Variants in CDH7 observed in about 807,000 individuals in gnomAD.
The protein encoded by CDH7 is cadherin-7.
CDH7 carries 25 observed loss-of-function variants against 71.8 expected under a neutral mutation model. That is an observed-to-expected ratio of 0.35 (90% CI 0.25 to 0.49). The LOEUF (loss-of-function observed/expected upper bound fraction) is 0.49, where lower values mean the gene tolerates loss of function less well. Among genes scored for constraint, CDH7 ranks in the 20% least tolerant of loss-of-function variants. The pLI, the probability that CDH7 is intolerant of heterozygous loss-of-function variation, is 0.99. For missense variants in CDH7, 862 were observed against 974.6 expected (o/e 0.88, Z 1.54); for synonymous variants, 381 against 363.8 (o/e 1.05, Z -0.54).
At chr18:65,785,132 A>G (rs535726968) in intron 2 of CDH7, among the ~76,000 whole-genome samples, 5 of 152,274 alleles carry the variant, frequency 3.3e-5, no homozygotes, top group African/African-American at 1.2e-4. Flanking sequence ...TTTAAATTAC[A>G]ATTTGGCTGA....
At chr18:65,769,283 G>A (rs569303686) in intron 2 of CDH7, among the ~76,000 whole-genome samples, 39 of 152,220 alleles carry the variant, frequency 2.6e-4, no homozygotes, top group African/African-American at 9.1e-4. Flanking sequence ...ACTGAGAGAA[G>A]CTTTATATAG....
chr18:65,839,238 A>T (rs1263176838), intron 6 of CDH7, among the ~76,000 whole-genome samples: 1 of 152,214 alleles, frequency 6.6e-6, no homozygotes, highest in Admixed American at 6.6e-5. Flanking sequence ...ACAGAAATAT[A>T]TGCTGGATGT....
chr18:65,793,272 A>C (rs1402904586), intron 2 of CDH7, among the ~76,000 whole-genome samples: 3 of 151,972 alleles, frequency 2.0e-5, no homozygotes, highest in Admixed American at 6.6e-5. Flanking sequence ...GTCTCTACAA[A>C]AAATATAAAA....
At chr18:65,760,005 A>G (rs1055220299) in intron 1 of CDH7, among the ~76,000 whole-genome samples, 11 of 152,204 alleles carry the variant, frequency 7.2e-5, no homozygotes, top group Non-Finnish European at 1.6e-4. Flanking sequence ...GGAACCAACT[A>G]CAACTATCAA....
Position 65,885,354 on chromosome 18 carries a change from A to G in CDH7, c.*4460A>G, listed in dbSNP as rs1914340603. On this transcript the variant is annotated 3_prime_UTR_variant, in exon 12 of 12. Coordinates refer to ENST00000397968, the MANE Select transcript of CDH7 (RefSeq NM_004361.5). ...CTTCTACTGGCTTAGAATGTAACTG[A>G]AAAGGATGTGTGCCTGTGTTTTTTT... 1 of 127,866 alleles carries G rather than the reference A, an allele frequency of 7.8e-6. No individual in the cohort carries two copies. Among genetic ancestry groups the G allele is most frequent in the African/African-American group, 2.7e-5 (1 of 37,466 alleles). The allele number at this position is 127,866 out of a possible 1,614,324, so 7.9% of individuals were successfully genotyped here. A position where few individuals can be genotyped will look rare whatever the true frequency, so the allele number is the denominator to read the frequency against.
At chr18:65,832,747 ATTCT>A (rs1473856269) in intron 6 of CDH7, among the ~76,000 whole-genome samples, 12 of 152,132 alleles carry the variant, frequency 7.9e-5, no homozygotes, top group African/African-American at 2.9e-4. Flanking sequence ...TTCACCTAGA[ATTCT>A]TTCTTTTTAC....
intron 6 of CDH7, among the ~76,000 whole-genome samples, chr18:65,827,547 A>G (rs781589717): frequency 6.6e-6 from 1 of 152,064 alleles, no homozygotes; most frequent in East Asian, 1.9e-4. Flanking sequence ...ATGATTTTCC[A>G]TATCATTTTG....
chr18:65,858,167 A>G (rs941083507), intron 8 of CDH7, among the ~76,000 whole-genome samples: 3 of 152,134 alleles, frequency 2.0e-5, no homozygotes, highest in Non-Finnish European at 2.9e-5. Flanking sequence ...GGACTAAAAA[A>G]CAATGGGCCT....
In CDH7 at chr18:65,880,991, A is replaced by G; in HGVS notation, c.*97A>G. ...AATAAACCACTACATACAGAAAACA[A>G]GAACTCCCCTTGCTGGAGACAGATG... On this transcript the variant is annotated 3_prime_UTR_variant, in exon 12 of 12. Coordinates refer to ENST00000397968, the MANE Select transcript of CDH7 (RefSeq NM_004361.5). 1 of 1,180,128 alleles carries G rather than the reference A, an allele frequency of 8.5e-7. No individual in the cohort carries two copies. 73.1% of individuals were successfully genotyped at this position (1,180,128 alleles called of 1,614,324 possible).
chr18:65,840,362 T>A (rs531267838), intron 6 of CDH7, among the ~76,000 whole-genome samples: 15 of 152,130 alleles, frequency 9.9e-5, no homozygotes, highest in African/African-American at 3.6e-4. Flanking sequence ...AGCCACAGAG[T>A]CATTCTGGGA....
At chr18:65,805,530 C>A (rs1228211699) in intron 2 of CDH7, among the ~76,000 whole-genome samples, 1 of 152,186 alleles carries the variant, frequency 6.6e-6, no homozygotes, top group Non-Finnish European at 1.5e-5. Context: ...GAAGGAGGAT[C>A]AAGAGTCAGC....
rs1372142873 is a variant in CDH7, at chr18:65,866,338, A to AAC, written c.1864+3422_1864+3423insCA. 1.1e-4 allele frequency: 15 copies of AAC among 142,558 alleles called. 4 individuals are homozygous for AAC. The highest frequency in any genetic ancestry group is 9.6e-4 in the South Asian group (4 of 4,184). 8.8% of individuals were successfully genotyped at this position (142,558 alleles called of 1,614,324 possible). A position where few individuals can be genotyped will look rare whatever the true frequency, so the allele number is the denominator to read the frequency against. ...AACAAAAAAAAAAAAAAACAAAAAAAAAAAAAAAAAGAATGAAACTATAGA... is the reference window on the plus strand; with the variant it reads ...AACAAAAAAAAAAAAAAACAAAAAAAACAAAAAAAAAAGAATGAAACTATAGA... On this transcript the variant is annotated intron_variant, in intron 11 of 11. Transcript: ENST00000397968.
intron 11 of CDH7, among the ~76,000 whole-genome samples, chr18:65,876,983 T>C (rs925896157): frequency 6.6e-6 from 1 of 152,160 alleles, no homozygotes; most frequent in Non-Finnish European, 1.5e-5. Flanking sequence ...AAAAGAGAAA[T>C]GATAAAACCT....
intron 7 of CDH7, among the ~76,000 whole-genome samples, chr18:65,850,565 A>G (rs989542001): frequency 2.0e-5 from 3 of 150,518 alleles, no homozygotes; most frequent in Non-Finnish European, 4.4e-5. Context: ...TAAGATTCAC[A>G]TTCCCTGCAG....
chr18:65,800,969 T>G (rs1233340909), intron 2 of CDH7, among the ~76,000 whole-genome samples: 2 of 152,176 alleles, frequency 1.3e-5, no homozygotes, highest in African/African-American at 4.8e-5. Flanking sequence ...TAAAAAGCAC[T>G]TCCCTGAACC....
Position 65,888,406 on chromosome 18 carries a change from C to G in CDH7, c.*7512C>G, listed in dbSNP as rs1052102584. On this transcript the variant is annotated 3_prime_UTR_variant, in exon 12 of 12. Transcript: ENST00000397968. ...ATAATTTCCGCAATTCTTGGTACCT[C>G]AAAAGACCTGACACACTACAATGAA... 1.3e-5 allele frequency: 2 copies of G among 152,076 alleles called. No homozygotes were observed. Among genetic ancestry groups the G allele is most frequent in the Non-Finnish European group, 2.9e-5 (2 of 68,026 alleles). 9.4% of individuals were successfully genotyped at this position (152,076 alleles called of 1,614,324 possible). A position where few individuals can be genotyped will look rare whatever the true frequency, so the allele number is the denominator to read the frequency against.
intron 6 of CDH7, among the ~76,000 whole-genome samples, chr18:65,830,242 G>A (rs1356026988): frequency 6.6e-6 from 1 of 152,172 alleles, no homozygotes; most frequent in African/African-American, 2.4e-5. Flanking sequence ...TCACAAAACT[G>A]CTGTTGGTAA....
intron 7 of CDH7, among the ~76,000 whole-genome samples, chr18:65,854,514 A>ATT (rs5825654): frequency 1.3e-5 from 2 of 151,498 alleles, no homozygotes; most frequent in Admixed American, 6.6e-5. Context: ...CTCAACTTTA[A>ATT]TTTTTTTTAT....
At chr18:65,815,284 T>G (rs936171774) in intron 4 of CDH7, among the ~76,000 whole-genome samples, 1 of 152,106 alleles carries the variant, frequency 6.6e-6, no homozygotes, top group Admixed American at 6.6e-5. Context: ...TCTGGTCCTG[T>G]GTGTGTAGGG....
Sources: gnomAD v4.1 joint callset for allele counts (sites outside exome capture counted in the v4.1 genomes callset) on GRCh38, gnomAD v4.1.1 for gene constraint, MANE v1.5 for transcripts, NCBI Gene and HGNC (gene_info 2026-07-23, HGNC 2026-07-21) for gene names.